PDE4D: variants seen among roughly 807,000 people sequenced by gnomAD.
The protein encoded by PDE4D is phosphodiesterase 4D.
PDE4D carries 24 observed loss-of-function variants against 87.4 expected under a neutral mutation model. The observed-to-expected ratio is 0.27, with a 90% CI of 0.20 to 0.39. PDE4D has a LOEUF of 0.39. PDE4D is among the 10% of genes least tolerant of loss of function. PDE4D has a pLI of 1.00. For synonymous variants in PDE4D, 384 were observed against 383.2 expected, an observed-to-expected ratio of 1.00 and a Z score of -0.02; for missense variants, 714 against 1,041.0, an observed-to-expected ratio of 0.69 and a Z score of 4.32.
chr5:59,949,098 GTGTGTGTGCGCATGC>G (rs1758002270), intron 3 of PDE4D, among the ~76,000 whole-genome samples: 1 of 152,188 alleles, frequency 6.6e-6, no homozygotes, highest in Non-Finnish European at 1.5e-5. Flanking sequence ...GTGTGCATGT[GTGTGTGTGCGCATGC>G]ACATTTGTGT....
intron 5 of PDE4D, among the ~76,000 whole-genome samples, chr5:59,077,937 T>TA (rs1224645656): frequency 6.6e-6 from 1 of 152,210 alleles, no homozygotes; most frequent in African/African-American, 2.4e-5. Context: ...TCTGATTTCC[T>TA]AAAAAACCTC....
At chr5:59,377,245 G>T (rs1240965826) in intron 1 of PDE4D, among the ~76,000 whole-genome samples, 1 of 151,770 alleles carries the variant, frequency 6.6e-6, no homozygotes, top group Non-Finnish European at 1.5e-5. Context: ...GTGAAACCCT[G>T]TCTCTACTAA....
In PDE4D at chr5:60,080,418, T is replaced by C. The variant is rs1220095629; in HGVS notation, c.43-91701A>G. ...CCTGGTCAGAACTTCCAATACAATG[T>C]AGAATAGGAGTGGTGAGAGAGGGCA... is the stretch of plus-strand genomic sequence containing the variant. On this transcript the variant is annotated intron_variant, in intron 2 of 16. Coordinates refer to the PDE4D transcript ENST00000502484. Among the ~76,000 whole-genome samples, 3 of 152,198 alleles carry C rather than the reference T, an allele frequency of 2.0e-5. No homozygotes were observed. In the East Asian group the frequency reaches 5.8e-4, roughly 29 times the overall value.
intron 1 of PDE4D, among the ~76,000 whole-genome samples, chr5:60,201,735 A>G (rs1741936720): frequency 6.6e-6 from 1 of 152,206 alleles, no homozygotes; most frequent in South Asian, 2.1e-4. Context: ...ATGTAAATAT[A>G]TCCAGAACAT....
At chr5:59,956,341 C>T (rs570695324) in intron 3 of PDE4D, among the ~76,000 whole-genome samples, 1 of 152,324 alleles carries the variant, frequency 6.6e-6, no homozygotes, top group African/African-American at 2.4e-5. Flanking sequence ...GCTGCCCCTA[C>T]CTTGTCTATC....
At chr5:60,323,019 C>A (rs928587146) in intron 1 of PDE4D, among the ~76,000 whole-genome samples, 2 of 152,174 alleles carry the variant, frequency 1.3e-5, no homozygotes, top group Admixed American at 6.5e-5. Context: ...TTGTGATATT[C>A]TTCCATCTCC....
intron 1 of PDE4D, among the ~76,000 whole-genome samples, chr5:59,546,768 AG>A (rs770158674): frequency 5.3e-5 from 8 of 152,176 alleles, no homozygotes; most frequent in Non-Finnish European, 8.8e-5. Flanking sequence ...TTACCCACAA[AG>A]CTTCTTTTTC....
intron 11 of PDE4D, among the ~76,000 whole-genome samples, chr5:58,981,647 G>C (rs931676465): frequency 4.6e-5 from 7 of 151,940 alleles, no homozygotes; most frequent in Non-Finnish European, 8.8e-5. Context: ...TGGTCATATG[G>C]TCATAGCTGG....
chr5:59,051,143 G>A (rs1761484489), intron 5 of PDE4D, among the ~76,000 whole-genome samples: 1 of 152,192 alleles, frequency 6.6e-6, no homozygotes, highest in Non-Finnish European at 1.5e-5. Flanking sequence ...AGGCTGATGC[G>A]AGCAGATCAC....
intron 5 of PDE4D, among the ~76,000 whole-genome samples, chr5:59,072,200 C>T (rs1561433301): frequency 6.6e-6 from 1 of 152,124 alleles, no homozygotes; most frequent in African/African-American, 2.4e-5. Flanking sequence ...AAATACCTTG[C>T]ACCATTATCT....
chr5:59,724,711 A>G (rs1008248115), intron 1 of PDE4D, among the ~76,000 whole-genome samples: 1 of 152,082 alleles, frequency 6.6e-6, no homozygotes, highest in Non-Finnish European at 1.5e-5. Flanking sequence ...TGGTGACATA[A>G]TGAAATGACA....
intron 1 of PDE4D, among the ~76,000 whole-genome samples, chr5:59,813,083 C>T (rs1224778481): frequency 6.6e-6 from 1 of 152,140 alleles, no homozygotes; most frequent in Non-Finnish European, 1.5e-5. Flanking sequence ...ATATCCTATG[C>T]AGGGGGCTAT....
rs532740901 is a variant in PDE4D, at chr5:59,319,507, T to G, written c.456-103539A>C. On this transcript the variant is annotated intron_variant, in intron 1 of 14. Transcript: ENST00000340635. ...CAGACTTTGGCTCAGCTGACAGTAA[T>G]TTTCCATTGATTGGGAGAAAATCAT... Among the ~76,000 whole-genome samples, 4 of 152,220 alleles carry G rather than the reference T, an allele frequency of 2.6e-5. No individual in the cohort carries two copies. The East Asian group carries it at 7.7e-4, about 29-fold the overall frequency.
At chr5:60,202,709 G>C (rs940537807) in intron 1 of PDE4D, among the ~76,000 whole-genome samples, 6 of 151,548 alleles carry the variant, frequency 4.0e-5, no homozygotes, top group Non-Finnish European at 8.8e-5. Context: ...TCAACCATGC[G>C]AGAAAACAAA....
intron 2 of PDE4D, among the ~76,000 whole-genome samples, chr5:60,041,632 TG>T (rs1768490586): frequency 6.6e-6 from 1 of 151,946 alleles, no homozygotes; most frequent in South Asian, 2.1e-4. Context: ...GGTTAGACAG[TG>T]GGTACAGACC....
chr5:60,215,214 A>G (rs910041691), intron 1 of PDE4D, among the ~76,000 whole-genome samples: 1 of 152,154 alleles, frequency 6.6e-6, no homozygotes, highest in Non-Finnish European at 1.5e-5. Context: ...ATACTACTTA[A>G]AGACATTTGG....
intron 5 of PDE4D, among the ~76,000 whole-genome samples, chr5:59,088,396 T>G (rs936654596): frequency 9.2e-5 from 14 of 152,164 alleles, no homozygotes; most frequent in African/African-American, 3.4e-4. Flanking sequence ...GTGTGGCAAT[T>G]CCTCAAAGAC....
At chr5:59,151,480 C>T (rs1250496607) in intron 5 of PDE4D, among the ~76,000 whole-genome samples, 1 of 152,138 alleles carries the variant, frequency 6.6e-6, no homozygotes, top group African/African-American at 2.4e-5. Flanking sequence ...GAGCTCACTT[C>T]CTGGTAGTGA....
rs577565622 is a variant in PDE4D at position 59,791,761 on chromosome 5, G to A, written c.455+101407C>T. The stretch of plus-strand genomic sequence containing the variant: ...GGTCTAGGAGGGAGCAGACAGCCCC[G>A]GGCTTAGAATCCTAAGACTTGATTC... On this transcript the variant is annotated intron_variant, in intron 1 of 14. Coordinates refer to ENST00000340635, the MANE Select transcript of PDE4D (RefSeq NM_001104631.2). Among the ~76,000 whole-genome samples, 19 of 152,150 alleles carry A rather than the reference G, an allele frequency of 1.2e-4. No homozygotes were observed. In the South Asian group the frequency reaches 2.3e-3, roughly 18 times the overall value.
Sources: allele counts gnomAD v4.1 joint callset (sites outside exome capture counted in the v4.1 genomes callset), GRCh38; gene constraint gnomAD v4.1.1; transcripts MANE v1.5; gene names NCBI Gene and HGNC (gene_info 2026-07-23, HGNC 2026-07-21).